The following UBXN2A variants were observed in gnomAD, a reference collection of about 807,000 sequenced individuals.
UBXN2A encodes the protein UBX domain-containing protein 2A.
UBXN2A carries 28 observed loss-of-function variants against 28.4 expected under a neutral mutation model. The ratio of observed to expected loss-of-function variants is 0.99; its 90% CI spans 0.73 to 1.35. The LOEUF is 1.35. Among genes scored for constraint, UBXN2A ranks in the 40% most tolerant of loss-of-function variants. UBXN2A has a pLI of 0.00. For synonymous variants in UBXN2A, 97 were observed against 103.6 expected (o/e 0.94, Z 0.39); for missense variants, 253 against 297.9 (o/e 0.85, Z 1.11).
chr2:23,975,786 C>A (rs1339971055), intron 3 of UBXN2A, among the ~76,000 whole-genome samples: 4 of 152,048 alleles, frequency 2.6e-5, no homozygotes, highest in Non-Finnish European at 5.9e-5. Context: ...CACCACCATG[C>A]CTGGCTAATT....
chr2:23,993,995 T>C (rs145245716), intron 6 of UBXN2A, among the ~76,000 whole-genome samples: 151 of 152,332 alleles, frequency 9.9e-4, no homozygotes, highest in African/African-American at 3.5e-3. Flanking sequence ...TTAGTATCTC[T>C]TTAATTGCTT....
intron 6 of UBXN2A, among the ~76,000 whole-genome samples, chr2:23,990,078 C>T (rs1216137485): frequency 6.6e-6 from 1 of 152,076 alleles, no homozygotes; most frequent in Non-Finnish European, 1.5e-5. Flanking sequence ...GTAAGCCTTC[C>T]TCACACTGCT....
intron 1 of UBXN2A, among the ~76,000 whole-genome samples, chr2:23,934,620 A>G (rs1365606501): frequency 1.3e-5 from 2 of 152,256 alleles, no homozygotes; most frequent in Non-Finnish European, 2.9e-5. Flanking sequence ...TACCTATGAA[A>G]TAGCTACTGT....
At chr2:23,965,018 T>C (rs1303351573) in intron 2 of UBXN2A, among the ~76,000 whole-genome samples, 1 of 152,102 alleles carries the variant, frequency 6.6e-6, no homozygotes, top group Non-Finnish European at 1.5e-5. Flanking sequence ...GCTGGAACTA[T>C]AGGCATGTGC....
At chr2:23,958,430 T>G (rs2150834998) in intron 2 of UBXN2A, 75 bp downstream of exon 2, 3 of 1,411,034 alleles carry the variant, frequency 2.1e-6, no homozygotes, top group Non-Finnish European at 2.9e-6. Flanking sequence ...ACATTTCACT[T>G]GCAGAGATAG....
chr2:23,946,642 G>A (rs1435864439), intron 1 of UBXN2A, among the ~76,000 whole-genome samples: 1 of 151,968 alleles, frequency 6.6e-6, no homozygotes, highest in Non-Finnish European at 1.5e-5. Context: ...TTTTAGTAGA[G>A]ATGGAGTTTC....
chr2:23,976,457 A>G (rs2150879648), intron 3 of UBXN2A, among the ~76,000 whole-genome samples: 1 of 152,340 alleles, frequency 6.6e-6, no homozygotes, highest in Non-Finnish European at 1.5e-5. Context: ...TGATAAAGAC[A>G]TACCCGAGAC....
intron 2 of UBXN2A, among the ~76,000 whole-genome samples, chr2:23,969,537 A>G (rs1386653910): frequency 2.0e-5 from 3 of 152,090 alleles, no homozygotes; most frequent in South Asian, 4.1e-4. Flanking sequence ...TAATTTTTGT[A>G]TTTTTTGTAG....
intron 6 of UBXN2A, among the ~76,000 whole-genome samples, chr2:23,992,225 C>T (rs1207401722): frequency 3.3e-5 from 5 of 152,038 alleles, no homozygotes. Flanking sequence ...CTGCCTCGGC[C>T]TCCCAAAGTG....
chr2:23,997,293 A>G (rs940584228), intron 6 of UBXN2A, among the ~76,000 whole-genome samples: 5 of 151,966 alleles, frequency 3.3e-5, no homozygotes, highest in Non-Finnish European at 5.9e-5. Flanking sequence ...AGTCAATTCT[A>G]TTTCTGAAAA....
intron 1 of UBXN2A, among the ~76,000 whole-genome samples, chr2:23,956,302 C>T (rs1558286699): frequency 6.6e-6 from 1 of 152,058 alleles, no homozygotes; most frequent in Non-Finnish European, 1.5e-5. Context: ...GGAGCCCCTT[C>T]AGAGTGCCTT....
At chr2:23,936,322 A>AT (rs1278499641), upstream of UBXN2A, among the ~76,000 whole-genome samples, 1 of 152,176 alleles carries the variant, frequency 6.6e-6, no homozygotes, top group African/African-American at 2.4e-5. Context: ...CTTGAAAATA[A>AT]TTATGCTAAG....
intron 2 of UBXN2A, among the ~76,000 whole-genome samples, chr2:23,960,891 T>C (rs1706873346): frequency 6.6e-6 from 1 of 152,190 alleles, no homozygotes. Flanking sequence ...CGCCTTGGCC[T>C]CCCAGAGTTC....
intron 1 of UBXN2A, among the ~76,000 whole-genome samples, chr2:23,952,031 A>G (rs1171944755): frequency 6.9e-6 from 1 of 144,012 alleles, no homozygotes; most frequent in Non-Finnish European, 1.5e-5. Flanking sequence ...CAGTGGTATG[A>G]TCTCGGCTCA....
intron 6 of UBXN2A, among the ~76,000 whole-genome samples, chr2:23,985,112 T>C (rs1254750465): frequency 1.3e-5 from 2 of 152,024 alleles, no homozygotes; most frequent in African/African-American, 4.8e-5. Context: ...ATTTTAAAAA[T>C]TGTTTTGTAG....
intron 3 of UBXN2A, among the ~76,000 whole-genome samples, chr2:23,972,110 G>A (rs896052279): frequency 1.4e-4 from 22 of 151,846 alleles, no homozygotes; most frequent in Admixed American, 1.1e-3. Context: ...TAAGGTAAGG[G>A]TAAGGTAAGG....
chr2:23,943,561 C>T (rs1007582616), intron 1 of UBXN2A, among the ~76,000 whole-genome samples: 6 of 152,120 alleles, frequency 3.9e-5, no homozygotes, highest in East Asian at 1.9e-4. Context: ...AATCTTGGCT[C>T]ATGGCAACTT....
intron 1 of UBXN2A, among the ~76,000 whole-genome samples, chr2:23,946,005 T>C (rs964890989): frequency 1.3e-5 from 2 of 151,950 alleles, no homozygotes; most frequent in African/African-American, 2.4e-5. Flanking sequence ...CTAGTTTTTG[T>C]ATTTTTAGTA....
At chr2:23,993,243 T>C (rs1179327811) in intron 6 of UBXN2A, among the ~76,000 whole-genome samples, 1 of 152,210 alleles carries the variant, frequency 6.6e-6, no homozygotes, top group Non-Finnish European at 1.5e-5. Flanking sequence ...CCCAAGCTTA[T>C]TTGTTTATCT....
Sources: gnomAD v4.1 joint callset for allele counts (sites outside exome capture counted in the v4.1 genomes callset) on GRCh38, gnomAD v4.1.1 for gene constraint, MANE v1.5 for transcripts, NCBI Gene and HGNC (gene_info 2026-07-23, HGNC 2026-07-21) for gene names.